CDH6: variants seen among roughly 807,000 people sequenced by gnomAD.
CDH6 encodes the protein cadherin-6.
Under a neutral mutation model 78.0 loss-of-function variants are expected in CDH6, and 31 were observed. The observed-to-expected ratio is 0.40, with a 90% CI of 0.30 to 0.54. The LOEUF (loss-of-function observed/expected upper bound fraction) is 0.54. Among genes scored for constraint, CDH6 ranks in the 20% least tolerant of loss-of-function variants. The pLI is 0.56. For synonymous variants in CDH6, 376 were observed against 368.8 expected, an observed-to-expected ratio of 1.02 and a Z score of -0.23; for missense variants, 724 against 975.9, an observed-to-expected ratio of 0.74 and a Z score of 3.44.
chr5:31,301,341 T>A (rs1188254987), intron 5 of CDH6, among the ~76,000 whole-genome samples: 1 of 152,238 alleles, frequency 6.6e-6, no homozygotes, highest in Non-Finnish European at 1.5e-5. Flanking sequence ...TTGGTTTTAC[T>A]ATTTTATATT....
intron 1 of CDH6, among the ~76,000 whole-genome samples, chr5:31,219,182 CA>C (rs1328012232): frequency 6.6e-6 from 1 of 152,174 alleles, no homozygotes; most frequent in African/African-American, 2.4e-5. Flanking sequence ...ACTCAAACTG[CA>C]ATTCTCTTCT....
intron 1 of CDH6, among the ~76,000 whole-genome samples, chr5:31,240,430 A>G (rs73758187): frequency 0.012 from 1,891 of 152,266 alleles, 42 homozygotes; most frequent in African/African-American, 0.043. Flanking sequence ...CACCAACATT[A>G]GTACTCTGAA....
At chr5:31,273,225 T>A (rs1222631597) in intron 2 of CDH6, among the ~76,000 whole-genome samples, 18 of 152,230 alleles carry the variant, frequency 1.2e-4, no homozygotes, top group Admixed American at 1.1e-3. Flanking sequence ...GTTGCTTTTT[T>A]AAATTCTTAC....
chr5:31,251,627 G>C (rs1190018883), intron 1 of CDH6: 1 of 152,218 alleles, frequency 6.6e-6, no homozygotes, highest in Admixed American at 6.5e-5. Context: ...CTTGGGAACT[G>C]ATTCCACAAG....
intron 1 of CDH6, among the ~76,000 whole-genome samples, chr5:31,212,016 C>G (rs966089273): frequency 3.9e-5 from 6 of 152,172 alleles, no homozygotes; most frequent in African/African-American, 1.2e-4. Context: ...TCACTGAGCT[C>G]TTCATCTGTC....
chr5:31,266,782 T>C (rs934035414), intron 1 of CDH6, among the ~76,000 whole-genome samples: 1 of 152,212 alleles, frequency 6.6e-6, no homozygotes, highest in Admixed American at 6.5e-5. Context: ...AGAAGGTGTA[T>C]GGTCTTTTCC....
At chr5:31,205,429 C>T (rs1579811157) in intron 1 of CDH6, among the ~76,000 whole-genome samples, 2 of 152,294 alleles carry the variant, frequency 1.3e-5, no homozygotes, top group South Asian at 4.2e-4. Flanking sequence ...CACCTTCCTC[C>T]AGGCAGGCGT....
At chr5:31,308,574 GA>G (rs1172691005) in intron 7 of CDH6, among the ~76,000 whole-genome samples, 2 of 151,994 alleles carry the variant, frequency 1.3e-5, no homozygotes, top group African/African-American at 4.8e-5. Context: ...ACCTTGGAAG[GA>G]AAAAACAACA....
intron 1 of CDH6, among the ~76,000 whole-genome samples, chr5:31,257,719 C>T (rs185534932): frequency 6.7e-4 from 102 of 152,264 alleles, no homozygotes; most frequent in Non-Finnish European, 1.1e-3. Flanking sequence ...TGCCTTTCAG[C>T]TACCCCCTCC....
chr5:31,216,924 T>C (rs906166696), intron 1 of CDH6, among the ~76,000 whole-genome samples: 4 of 152,144 alleles, frequency 2.6e-5, no homozygotes, highest in African/African-American at 9.7e-5. Context: ...AAGATTTCCA[T>C]AAACTTTTTC....
intron 4 of CDH6, among the ~76,000 whole-genome samples, chr5:31,299,083 G>T (rs1441548538): frequency 6.6e-6 from 1 of 152,074 alleles, no homozygotes; most frequent in Admixed American, 6.5e-5. Flanking sequence ...CTTTTATCAA[G>T]CATATTATAG....
In CDH6 at chr5:31,313,429, C is replaced by T. The variant is rs986379823; in HGVS notation, c.1365C>T (p.Asn455=). The part of the protein sequence containing the change: ...LLDRETLLWH[N]ITVIATEINN... Reference sequence around the variant, plus strand: ...ACCGAGAAACACTGCTATGGCACAACATTACAGTGATAGCAACAGAGATCA... The same window carrying T: ...ACCGAGAAACACTGCTATGGCACAATATTACAGTGATAGCAACAGAGATCA... Residue 455 remains asparagine (N), a synonymous_variant, in exon 8 of 12, where the codon AAC becomes AAT. Coordinates refer to ENST00000265071, the MANE Select transcript of CDH6 (RefSeq NM_004932.4). 6.2e-7 allele frequency: 1 copy of T among 1,614,030 alleles called. No homozygotes were observed. Among genetic ancestry groups the T allele is most frequent in the Non-Finnish European group, 8.5e-7 (1 of 1,179,912 alleles).
At chr5:31,209,492 G>T (rs549210765) in intron 1 of CDH6, among the ~76,000 whole-genome samples, 1 of 152,320 alleles carries the variant, frequency 6.6e-6, no homozygotes, top group Non-Finnish European at 1.5e-5. Context: ...GATTAAGCTA[G>T]TGGGAGTAAA....
At chr5:31,210,491 G>A (rs918519975) in intron 1 of CDH6, among the ~76,000 whole-genome samples, 1 of 152,104 alleles carries the variant, frequency 6.6e-6, no homozygotes, top group African/African-American at 2.4e-5. Context: ...TTAACAGAAC[G>A]AGACTTCATC....
chr5:31,292,822 CATATATAT>C lies in CDH6; in HGVS notation c.229-1123_229-1116del, dbSNP rs1160180405. ...GTGTGTGCATATATATATATGTGTGCATATATATATATATATATATATATGTGTGCATA... is the reference window on the plus strand; with the variant it reads ...GTGTGTGCATATATATATATGTGTGCATATATATATATATATGTGTGCATA... On this transcript the variant is annotated intron_variant, in intron 2 of 11. Coordinates refer to ENST00000265071, the MANE Select transcript of CDH6 (RefSeq NM_004932.4). 3.0e-4 allele frequency among the ~76,000 whole-genome samples: 15 copies of C among 49,926 alleles called. No homozygotes were observed. The East Asian group carries it at 3.2e-3, about 11-fold the overall frequency. 32.8% of individuals were successfully genotyped at this position (49,926 alleles called of 152,430 possible). A position where few individuals can be genotyped will look rare whatever the true frequency, so the allele number is the denominator to read the frequency against.
At position 31,325,992 on chromosome 5, in the gene CDH6, A is replaced by G. The variant is rs766135395; in HGVS notation, c.*2684A>G. On this transcript the variant is annotated 3_prime_UTR_variant, in exon 12 of 12. Coordinates refer to ENST00000265071, the MANE Select transcript of CDH6 (RefSeq NM_004932.4). ...CACTTCCTTCCCACCCCACCTGAGT[A>G]TCAGGTCAAACATCATTGCATGCGC... is the stretch of plus-strand genomic sequence containing the variant. The G allele has an allele frequency of 1.7e-5, 4 of 232,014 alleles. No individual in the cohort carries two copies. Among genetic ancestry groups the G allele is most frequent in the African/African-American group, 4.4e-5 (2 of 45,262 alleles). 14.4% of individuals were successfully genotyped at this position (232,014 alleles called of 1,614,324 possible). A position where few individuals can be genotyped will look rare whatever the true frequency, so the allele number is the denominator to read the frequency against.
intron 2 of CDH6, among the ~76,000 whole-genome samples, chr5:31,286,961 C>T (rs1248832673): frequency 2.0e-5 from 3 of 151,964 alleles, no homozygotes; most frequent in Non-Finnish European, 4.4e-5. Flanking sequence ...TAGGATGACT[C>T]CCTGGTGGCT....
At chr5:31,266,358 G>C (rs1231461490) in intron 1 of CDH6, among the ~76,000 whole-genome samples, 3 of 152,134 alleles carry the variant, frequency 2.0e-5, no homozygotes, top group Non-Finnish European at 4.4e-5. Flanking sequence ...TCTTACAGTT[G>C]ATGGCCCTCA....
chr5:31,273,771 T>C (rs1156844705), intron 2 of CDH6, among the ~76,000 whole-genome samples: 1 of 152,262 alleles, frequency 6.6e-6, no homozygotes, highest in South Asian at 2.1e-4. Context: ...TTTAAAGAGC[T>C]GCACGAATGT....
Sources: gnomAD v4.1 joint callset for allele counts (sites outside exome capture counted in the v4.1 genomes callset) on GRCh38, gnomAD v4.1.1 for gene constraint, MANE v1.5 for transcripts, NCBI Gene and HGNC (gene_info 2026-07-23, HGNC 2026-07-21) for gene names.